The following BCAR3 variants were observed in gnomAD, a reference collection of about 807,000 sequenced individuals.
BCAR3 encodes the protein breast cancer anti-estrogen resistance protein 3.
In BCAR3, 37 loss-of-function variants were observed where a neutral mutation model predicts 80.1. The ratio of observed to expected loss-of-function variants is 0.46; its 90% confidence interval spans 0.36 to 0.61. The LOEUF is 0.61. Ranked by LOEUF, BCAR3 falls within the 20% of genes least tolerant of loss-of-function variation. The probability of loss-of-function intolerance (pLI) is 0.00; values close to 1 mark genes in which losing one functional copy is unlikely to be tolerated. For synonymous variants in BCAR3, 389 were observed against 418.9 expected (o/e 0.93, Z 0.87); for missense variants, 978 against 1,068.2 (o/e 0.92, Z 1.18).
chr1:93,607,918 G>A (rs1244184543), intron 3 of BCAR3, among the ~76,000 whole-genome samples: 4 of 152,152 alleles, frequency 2.6e-5, no homozygotes, highest in African/African-American at 7.2e-5. Context: ...TCCTTCGGGC[G>A]GAATGTTCAC....
intron 4 of BCAR3, among the ~76,000 whole-genome samples, chr1:93,589,948 C>T (rs1244396231): frequency 6.6e-6 from 1 of 152,090 alleles, no homozygotes; most frequent in African/African-American, 2.4e-5. Context: ...TTTTCCCTCC[C>T]CAACAAGTGG....
intron 3 of BCAR3, chr1:93,594,855 C>G (rs1483579297): frequency 6.6e-6 from 1 of 152,288 alleles, no homozygotes. Flanking sequence ...TTCCTTCCTC[C>G]CTGATGTCCT....
intron 2 of BCAR3, among the ~76,000 whole-genome samples, chr1:93,801,536 T>A (rs1164824845): frequency 6.6e-6 from 1 of 152,214 alleles, no homozygotes; most frequent in Non-Finnish European, 1.5e-5. Flanking sequence ...CACGATCTTG[T>A]TTGGTTTTTG....
At chr1:93,580,879 G>A (rs1286955677) in intron 7 of BCAR3, among the ~76,000 whole-genome samples, 1 of 152,158 alleles carries the variant, frequency 6.6e-6, no homozygotes, top group Non-Finnish European at 1.5e-5. Context: ...AATGGTGATG[G>A]GCCGGGTGCG....
At chr1:93,829,941 G>C (rs535451842) in intron 2 of BCAR3, among the ~76,000 whole-genome samples, 10 of 152,304 alleles carry the variant, frequency 6.6e-5, no homozygotes, top group Admixed American at 6.5e-4. Context: ...CCTTGGTACT[G>C]TATAATGATA....
chr1:93,646,850 T>C (rs1275073934), intron 2 of BCAR3, among the ~76,000 whole-genome samples: 1 of 152,158 alleles, frequency 6.6e-6, no homozygotes, highest in African/African-American at 2.4e-5. Context: ...TTCACAGCTA[T>C]AAAAATAGTT....
chr1:93,811,194 G>A (rs1216769135), intron 2 of BCAR3, among the ~76,000 whole-genome samples: 2 of 151,998 alleles, frequency 1.3e-5, no homozygotes, highest in Non-Finnish European at 2.9e-5. Context: ...CAGCAGACTG[G>A]CCAGTGCGGC....
At chr1:93,597,180 G>A (rs1329228678) in intron 3 of BCAR3, among the ~76,000 whole-genome samples, 1 of 152,184 alleles carries the variant, frequency 6.6e-6, no homozygotes, top group African/African-American at 2.4e-5. Flanking sequence ...AGTAACTACT[G>A]TACATGGTTA....
At chr1:93,608,816 G>T (rs1042014685) in intron 3 of BCAR3, among the ~76,000 whole-genome samples, 1 of 152,192 alleles carries the variant, frequency 6.6e-6, no homozygotes. Context: ...TTTTTGGAGG[G>T]CTGGAGAGAT....
At chr1:93,663,325 G>A (rs977977498) in intron 2 of BCAR3, among the ~76,000 whole-genome samples, 5 of 152,100 alleles carry the variant, frequency 3.3e-5, no homozygotes, top group African/African-American at 1.2e-4. Flanking sequence ...CTCTGATATG[G>A]ACCTTGGTTG....
intron 2 of BCAR3, among the ~76,000 whole-genome samples, chr1:93,844,834 G>C (rs1357027996): frequency 1.3e-5 from 2 of 151,474 alleles, no homozygotes; most frequent in Admixed American, 1.3e-4. Context: ...TCAGCCTCCA[G>C]AAGTGCTGGA....
intron 11 of BCAR3, 133 bp downstream of exon 11, chr1:93,567,146 A>G (rs1433963826): frequency 9.1e-7 from 1 of 1,103,594 alleles, no homozygotes; most frequent in Non-Finnish European, 1.3e-6. Context: ...AACTAGCCAT[A>G]TAGGAAATGG....
intron 3 of BCAR3, among the ~76,000 whole-genome samples, chr1:93,611,809 A>G (rs1411263443): frequency 6.6e-6 from 1 of 152,234 alleles, no homozygotes; most frequent in Non-Finnish European, 1.5e-5. Flanking sequence ...TACAGCAAAC[A>G]CTATTAATAC....
At chr1:93,653,024 A>G (rs1289542620) in intron 2 of BCAR3, among the ~76,000 whole-genome samples, 1 of 152,192 alleles carries the variant, frequency 6.6e-6, no homozygotes, top group Non-Finnish European at 1.5e-5. Context: ...AGGACACTTG[A>G]TCTGTAAGTG....
intron 7 of BCAR3, among the ~76,000 whole-genome samples, chr1:93,578,432 C>A (rs1370758274): frequency 2.0e-5 from 3 of 152,236 alleles, no homozygotes; most frequent in Non-Finnish European, 4.4e-5. Context: ...CCACCCCTAA[C>A]CCCATCTTCT....
At chr1:93,753,874 C>CACAT (rs375905761) in intron 2 of BCAR3, 12,855 of 125,828 alleles carry the variant, frequency 0.1, 716 homozygotes, top group African/African-American at 0.23. Context: ...CGTACACATA[C>CACAT]ACACACACAC....
chr1:93,740,085 A>T (rs894764882), intron 2 of BCAR3, among the ~76,000 whole-genome samples: 3 of 152,048 alleles, frequency 2.0e-5, no homozygotes, highest in African/African-American at 7.2e-5. Context: ...CCGAAATACC[A>T]GCCCAAATTT....
At chr1:93,695,444 G>A (rs1649354078) in intron 3 of BCAR3, among the ~76,000 whole-genome samples, 1 of 152,018 alleles carries the variant, frequency 6.6e-6, no homozygotes, top group African/African-American at 2.4e-5. Context: ...TCTCACTCCT[G>A]TGGTTCAGTA....
chr1:93,799,952 T>C (rs561141404), intron 2 of BCAR3, among the ~76,000 whole-genome samples: 36 of 152,160 alleles, frequency 2.4e-4, no homozygotes, highest in Non-Finnish European at 4.6e-4. Flanking sequence ...AAGGAGTGTG[T>C]AGGGATTTGG....
Sources: gnomAD v4.1 joint callset for allele counts (sites outside exome capture counted in the v4.1 genomes callset) on GRCh38, gnomAD v4.1.1 for gene constraint, MANE v1.5 for transcripts, NCBI Gene and HGNC (gene_info 2026-07-23, HGNC 2026-07-21) for gene names.